EXO1: variants seen among roughly 807,000 people sequenced by gnomAD.
EXO1 encodes exonuclease 1.
In EXO1, 69 loss-of-function variants were observed where a neutral mutation model predicts 84.5. The ratio of observed to expected loss-of-function variants is 0.82; its 90% confidence interval spans 0.67 to 1.00. EXO1 has a LOEUF of 1.00. Among genes scored for constraint, EXO1 ranks in the 50% least tolerant of loss-of-function variants. The pLI is 0.00. For synonymous variants in EXO1, 373 were observed against 366.1 expected, an observed-to-expected ratio of 1.02 and a Z score of -0.21; for missense variants, 1,045 against 1,000.7, an observed-to-expected ratio of 1.04 and a Z score of -0.60.
rs748226923 is a variant in EXO1, at chr1:241,866,822, T to C, written c.1042-8T>C. 3 of 1,585,686 alleles carry C rather than the reference T, an allele frequency of 1.9e-6. No individual in the cohort carries two copies. Among genetic ancestry groups the C allele is most frequent in the Non-Finnish European group, 2.6e-6 (3 of 1,154,076 alleles). ...CTGCAAATAATCTTTTTCCTTTTCC[T>C]TTTCTAGCCTGCCCATTCAAGAAGT... On this transcript the variant is annotated splice_polypyrimidine_tract_variant and splice_region_variant and intron_variant, in intron 10 of 15. Transcript: ENST00000366548.
At chr1:241,871,676 T>G (rs1482920619) in intron 11 of EXO1, among the ~76,000 whole-genome samples, 4 of 152,158 alleles carry the variant, frequency 2.6e-5, no homozygotes, top group Non-Finnish European at 4.4e-5. Flanking sequence ...TAACCATATA[T>G]TTACATATAA....
intron 6 of EXO1, 147 bp from the exon 7 acceptor site, chr1:241,857,198 G>T: frequency 1.3e-6 from 1 of 755,522 alleles, no homozygotes; most frequent in South Asian, 1.7e-5. Flanking sequence ...ACTTACAGTA[G>T]AAAAACTCTA....
chr1:241,867,081 C>G (rs372956746), intron 11 of EXO1, 26 bp downstream of exon 11: 3 of 1,506,144 alleles, frequency 2.0e-6, no homozygotes. Flanking sequence ...TTGCAAAATG[C>G]TGGTGAATAT....
chr1:241,886,535 T>A (rs1322228743), intron 15 of EXO1, among the ~76,000 whole-genome samples: 1 of 152,184 alleles, frequency 6.6e-6, no homozygotes, highest in South Asian at 2.1e-4. Flanking sequence ...AATAAGTAAG[T>A]GCTGGACAAT....
At chr1:241,883,654 C>A (rs1367362435) in intron 14 of EXO1, among the ~76,000 whole-genome samples, 3 of 152,052 alleles carry the variant, frequency 2.0e-5, no homozygotes, top group African/African-American at 4.8e-5. Context: ...AATTTTTGAG[C>A]AAGAAGTTTT....
At chr1:241,861,343 T>G in intron 9 of EXO1, 63 bp from the exon 10 acceptor site, 2 of 854,490 alleles carry the variant, frequency 2.3e-6, no homozygotes, top group South Asian at 1.3e-5. Flanking sequence ...TTTTTCCATC[T>G]TAGTATAATA....
Position 241,858,621 on chromosome 1 carries a change from T to C in EXO1, c.659T>C (p.Ile220Thr), listed in dbSNP as rs1181562719. The C allele has an allele frequency of 6.2e-7, 1 of 1,613,932 alleles. No individual in the cohort carries two copies. Among genetic ancestry groups the C allele is most frequent in the Non-Finnish European group, 8.5e-7 (1 of 1,179,934 alleles). Residue 220 changes from isoleucine (I) to threonine (T), a missense_variant, in exon 8 of 16, where the codon ATT (isoleucine) becomes ACT (threonine). Physicochemically the swap from Ile to Thr is moderately conservative, Grantham distance 89. Coordinates refer to ENST00000366548, the MANE Select transcript of EXO1 (RefSeq NM_130398.4). ...FTEEKFRYMC[I>T]LSGCDYLSSL... ...GAAGAGAAGTTTCGTTACATGTGTA[T>C]TCTTTCAGGTTGTGACTACCTGTCA... is the stretch of plus-strand genomic sequence containing the variant.
chr1:241,856,536 A>C (rs571599905), intron 6 of EXO1, among the ~76,000 whole-genome samples: 4 of 152,290 alleles, frequency 2.6e-5, no homozygotes, highest in African/African-American at 9.6e-5. Context: ...ATATGTATAC[A>C]CACATATACC....
intron 6 of EXO1, among the ~76,000 whole-genome samples, chr1:241,853,937 T>G (rs1166714584): frequency 6.6e-6 from 1 of 152,170 alleles, no homozygotes; most frequent in Non-Finnish European, 1.5e-5. Context: ...CAACACTTAC[T>G]GTAACCGGCA....
chr1:241,863,725 A>G (rs996416544), intron 10 of EXO1, among the ~76,000 whole-genome samples: 6 of 152,158 alleles, frequency 3.9e-5, no homozygotes, highest in Non-Finnish European at 7.3e-5. Flanking sequence ...CTATTCCCCT[A>G]TTTTCTAACC....
At chr1:241,850,833 ATTC>A (rs1660622701) in intron 4 of EXO1, among the ~76,000 whole-genome samples, 1 of 97,668 alleles carries the variant, frequency 1.0e-5, no homozygotes. Flanking sequence ...TATCTCCTTT[ATTC>A]TTTTTTTTTT....
chr1:241,875,645 A>G (rs771546335), intron 12 of EXO1, among the ~76,000 whole-genome samples: 60 of 152,142 alleles, frequency 3.9e-4, no homozygotes, highest in Admixed American at 2.2e-3. Flanking sequence ...TTGGGAGGCC[A>G]AGGCGGTCGG....
intron 7 of EXO1, among the ~76,000 whole-genome samples, 153 bp from the exon 8 acceptor site, chr1:241,858,353 G>C (rs1325116467): frequency 6.6e-6 from 1 of 151,578 alleles, no homozygotes; most frequent in Non-Finnish European, 1.5e-5. Flanking sequence ...TACTTTATTT[G>C]TAAACTTAGT....
intron 14 of EXO1, among the ~76,000 whole-genome samples, chr1:241,884,203 A>G (rs1662918040): frequency 6.6e-6 from 1 of 152,132 alleles, no homozygotes; most frequent in Admixed American, 6.5e-5. Context: ...TACCTCTCCA[A>G]ATTCTAACGT....
At chr1:241,887,519 A>G (rs4150006) in intron 15 of EXO1, among the ~76,000 whole-genome samples, 4,042 of 152,310 alleles carry the variant, frequency 0.027, 187 homozygotes, top group African/African-American at 0.093. Context: ...TGTGTGGCAG[A>G]TACGTTTTCC....
intron 4 of EXO1, 44 bp from the exon 5 acceptor site, chr1:241,852,243 ATTACC>A (rs1660712340): frequency 2.6e-6 from 4 of 1,543,966 alleles, no homozygotes; most frequent in Admixed American, 1.7e-5. Context: ...GAGCAGAAGT[ATTACC>A]TTAAGAAAGG....
chr1:241,868,140 C>T (rs187634516), intron 11 of EXO1, among the ~76,000 whole-genome samples: 14 of 151,962 alleles, frequency 9.2e-5, no homozygotes, highest in Admixed American at 5.2e-4. Context: ...TTTGGGAGGC[C>T]GAGGCAGGCA....
At chr1:241,849,662 G>GT (rs1012263022) in intron 3 of EXO1, among the ~76,000 whole-genome samples, 22 of 152,282 alleles carry the variant, frequency 1.4e-4, no homozygotes, top group African/African-American at 4.3e-4. Context: ...TTTTTCCTTT[G>GT]TTTTTTAATT....
chr1:241,889,466 G>T lies in EXO1; in HGVS notation c.2407G>T (p.Asp803Tyr). ...ELWKNFGFKK[D>Y]SEKLPPCKKP... ...AATGTATTTTATTGTATTTTGCAGA[G>T]ATTCTGAAAAGCTTCCTCCTTGTAA... Residue 803 changes from aspartate (D) to tyrosine (Y), a missense_variant and splice_region_variant, in exon 16 of 16, where the codon GAT (aspartate) becomes TAT (tyrosine). Coordinates refer to ENST00000366548, the MANE Select transcript of EXO1 (RefSeq NM_130398.4). The T allele has an allele frequency of 6.2e-7, 1 of 1,612,928 alleles. No individual in the cohort carries two copies. The highest frequency in any genetic ancestry group is 8.5e-7 in the Non-Finnish European group (1 of 1,178,922).
Sources: gnomAD v4.1 joint callset for allele counts (sites outside exome capture counted in the v4.1 genomes callset) on GRCh38, gnomAD v4.1.1 for gene constraint, MANE v1.5 for transcripts, NCBI Gene and HGNC (gene_info 2026-07-23, HGNC 2026-07-21) for gene names.